PCNX2: variants seen among roughly 807,000 people sequenced by gnomAD.
PCNX2 encodes the protein pecanex 2.
Under a neutral mutation model 223.8 loss-of-function variants are expected in PCNX2, and 168 were observed. The ratio of observed to expected loss-of-function variants is 0.75; its 90% CI spans 0.66 to 0.85. The LOEUF (loss-of-function observed/expected upper bound fraction) is 0.85, where lower values mean the gene tolerates loss of function less well. Among genes scored for constraint, PCNX2 ranks in the 40% least tolerant of loss-of-function variants. PCNX2 has a pLI of 0.00. For synonymous variants in PCNX2, 1,006 were observed against 1,052.6 expected (o/e 0.96, Z 0.86); for missense variants, 2,507 against 2,675.5 (o/e 0.94, Z 1.39).
intron 1 of PCNX2, chr1:233,290,895 A>G: frequency 1.0e-6 from 1 of 985,398 alleles, no homozygotes; most frequent in Non-Finnish European, 1.2e-6. Context: ...ACAAACATAT[A>G]TGCCAGGCCT....
chr1:233,173,008 C>T (rs956441485), intron 17 of PCNX2, among the ~76,000 whole-genome samples: 1 of 152,210 alleles, frequency 6.6e-6, no homozygotes, highest in African/African-American at 2.4e-5. Context: ...ATTACCTCAA[C>T]ACTAGACTCT....
At chr1:233,237,375 C>T (rs1192010572) in intron 8 of PCNX2, among the ~76,000 whole-genome samples, 2 of 152,128 alleles carry the variant, frequency 1.3e-5, no homozygotes, top group East Asian at 3.9e-4. Context: ...CAGGAAGAAA[C>T]AGAGATGAAC....
intron 13 of PCNX2, among the ~76,000 whole-genome samples, chr1:233,203,806 T>C (rs1026262938): frequency 2.0e-5 from 3 of 152,156 alleles, no homozygotes; most frequent in South Asian, 2.1e-4. Flanking sequence ...GACAGGGTGA[T>C]GGTTTAATTG....
intron 28 of PCNX2, among the ~76,000 whole-genome samples, chr1:233,004,734 A>C (rs1050377357): frequency 4.6e-5 from 7 of 152,316 alleles, no homozygotes; most frequent in African/African-American, 1.7e-4. Context: ...AAATAGTTCC[A>C]CTGATTGCTA....
chr1:233,108,068 G>A (rs1674901066), intron 21 of PCNX2, among the ~76,000 whole-genome samples: 1 of 152,182 alleles, frequency 6.6e-6, no homozygotes, highest in Non-Finnish European at 1.5e-5. Context: ...TCTAAAAAGG[G>A]GAGACATGAA....
intron 28 of PCNX2, among the ~76,000 whole-genome samples, chr1:233,010,807 G>T (rs1396963114): frequency 6.6e-6 from 1 of 152,034 alleles, no homozygotes; most frequent in Non-Finnish European, 1.5e-5. Context: ...ACTTACATTT[G>T]GCATCTCATT....
intron 8 of PCNX2, among the ~76,000 whole-genome samples, chr1:233,249,781 C>A (rs542358165): frequency 8.3e-4 from 127 of 152,276 alleles, no homozygotes; most frequent in African/African-American, 2.8e-3. Flanking sequence ...ACTAGCATTC[C>A]TAAGCAGGTA....
chr1:233,053,581 C>A (rs2102874886), intron 25 of PCNX2, among the ~76,000 whole-genome samples: 1 of 152,304 alleles, frequency 6.6e-6, no homozygotes. Context: ...TATTGAAACA[C>A]TGCCTGATAC....
rs568533651 is a variant in PCNX2, at chr1:233,074,623, A to G, written c.4076+15438T>C. ...AAAAAAAAAAAAAAAAAAAAAAAAA[A>G]GAGGACGAAAAGACAAGCTACAGAC... On this transcript the variant is annotated intron_variant, in intron 23 of 33. Transcript: ENST00000258229. 6.1e-5 allele frequency among the ~76,000 whole-genome samples: 9 copies of G among 148,522 alleles called. No individual in the cohort carries two copies. In the South Asian group the frequency reaches 1.7e-3, roughly 28 times the overall value.
chr1:233,184,613 A>G (rs779414104), intron 15 of PCNX2, among the ~76,000 whole-genome samples: 6 of 152,158 alleles, frequency 3.9e-5, no homozygotes, highest in Non-Finnish European at 8.8e-5. Flanking sequence ...TTTCCAACAA[A>G]AACACCAAGG....
chr1:233,268,115 T>C (rs1313682207), intron 1 of PCNX2, among the ~76,000 whole-genome samples: 1 of 152,192 alleles, frequency 6.6e-6, no homozygotes, highest in African/African-American at 2.4e-5. Context: ...TTTCACCATG[T>C]TGGCCAGGCT....
At chr1:233,047,751 A>C (rs1337388848) in intron 25 of PCNX2, among the ~76,000 whole-genome samples, 1 of 152,150 alleles carries the variant, frequency 6.6e-6, no homozygotes, top group Non-Finnish European at 1.5e-5. Context: ...CACACAATAC[A>C]CAATTATGGT....
chr1:233,073,290 T>C (rs892606968), intron 23 of PCNX2, among the ~76,000 whole-genome samples: 5 of 152,172 alleles, frequency 3.3e-5, no homozygotes, highest in African/African-American at 7.2e-5. Context: ...AACTTGGCCA[T>C]TCTAGCTAAA....
intron 1 of PCNX2, among the ~76,000 whole-genome samples, chr1:233,276,291 T>C (rs1660909797): frequency 6.6e-6 from 1 of 151,888 alleles, no homozygotes; most frequent in Non-Finnish European, 1.5e-5. Flanking sequence ...AGACAAAAAG[T>C]AGAATGGTGG....
chr1:233,053,377 T>C (rs1333197363), intron 25 of PCNX2, among the ~76,000 whole-genome samples: 1 of 152,106 alleles, frequency 6.6e-6, no homozygotes, highest in Non-Finnish European at 1.5e-5. Flanking sequence ...GACCATCCCA[T>C]TGAATGTGGC....
chr1:233,167,609 A>C, intron 17 of PCNX2: 1 of 487,464 alleles, frequency 2.1e-6, no homozygotes, highest in Non-Finnish European at 2.7e-6. Flanking sequence ...GATGATGGAT[A>C]TGTTAACTTA....
intron 32 of PCNX2, among the ~76,000 whole-genome samples, chr1:232,997,729 G>C (rs1201706016): frequency 6.6e-6 from 1 of 152,186 alleles, no homozygotes; most frequent in Non-Finnish European, 1.5e-5. Flanking sequence ...GCCAGGCTTG[G>C]TTGCAGCCAC....
At chr1:233,252,597 TGC>T (rs1242697618) in intron 6 of PCNX2, 42 bp downstream of exon 6, 16 of 1,598,064 alleles carry the variant, frequency 1.0e-5, no homozygotes, top group Non-Finnish European at 1.4e-5. Context: ...GGCTGTCTCA[TGC>T]TTTATGACCA....
In PCNX2 at chr1:233,001,506, AAAT is replaced by A. The variant is rs2102797423; in HGVS notation, c.5097+28_5097+30del. 4 of 1,180,462 alleles carry A rather than the reference AAAT, an allele frequency of 3.4e-6. No homozygotes were observed. Among genetic ancestry groups the A allele is most frequent in the African/African-American group, 3.2e-5 (2 of 61,866 alleles). 73.1% of individuals were successfully genotyped at this position (1,180,462 alleles called of 1,614,324 possible). ...TAAATAAATAAATAAATAAATAAAT[AAAT>A]AAATAAATAAATAAAATAGGTTTTT... On this transcript the variant is annotated intron_variant, in intron 29 of 33. Transcript: ENST00000258229. This position sits in a 1 kb window ranked among gnomAD's most constrained non-coding sequence, Gnocchi z 4.2.
Sources: allele counts gnomAD v4.1 joint callset (sites outside exome capture counted in the v4.1 genomes callset), GRCh38; gene constraint gnomAD v4.1.1; non-coding constraint Gnocchi (gnomAD v3.1); transcripts MANE v1.5; gene names NCBI Gene and HGNC (gene_info 2026-07-23, HGNC 2026-07-21).